HECW1: variants seen among roughly 807,000 people sequenced by gnomAD.
HECW1 encodes the protein HECT, C2 and WW domain containing E3 ubiquitin protein ligase 1.
HECW1 carries 61 observed loss-of-function variants against 182.3 expected under a neutral mutation model. The ratio of observed to expected loss-of-function variants is 0.33; its 90% CI spans 0.27 to 0.41. The LOEUF is 0.41. HECW1 is among the 10% of genes least tolerant of loss of function. The pLI is 1.00. For missense variants in HECW1, 1,739 were observed against 2,108.9 expected (o/e 0.82, Z 3.44); for synonymous variants, 859 against 832.6 (o/e 1.03, Z -0.55).
chr7:43,282,362 C>T (rs556789332), intron 3 of HECW1, among the ~76,000 whole-genome samples: 245 of 152,356 alleles, frequency 1.6e-3, no homozygotes, highest in Admixed American at 4.6e-3. Flanking sequence ...GAACTTCCTT[C>T]CCTGTGATGC....
At chr7:43,536,292 C>T (rs1377609388) in intron 24 of HECW1, among the ~76,000 whole-genome samples, 1 of 152,206 alleles carries the variant, frequency 6.6e-6, no homozygotes, top group African/African-American at 2.4e-5. Flanking sequence ...ATATGTCTTA[C>T]GGTGATGGCA....
At chr7:43,135,881 G>A (rs1203752509) in intron 2 of HECW1, among the ~76,000 whole-genome samples, 1 of 151,534 alleles carries the variant, frequency 6.6e-6, no homozygotes, top group South Asian at 2.1e-4. Context: ...CTAAAATCAA[G>A]ATTAAGTTAT....
rs1304653688 is a variant in HECW1 at position 43,158,070 on chromosome 7, T to C, written c.-32+43679T>C. ...AGGCTTTTAAGCTTCTTGTGAGTAT[T>C]GATTGAGATAATTCAGGAAGCACTT... On this transcript the variant is annotated intron_variant, in intron 2 of 29. Coordinates refer to ENST00000395891, the MANE Select transcript of HECW1 (RefSeq NM_015052.5). 3.9e-5 allele frequency among the ~76,000 whole-genome samples: 6 copies of C among 152,332 alleles called. No individual in the cohort carries two copies. In the South Asian group the frequency reaches 6.2e-4, roughly 16 times the overall value.
rs113135124 is a variant in HECW1, at chr7:43,130,009, A to C, written c.-32+15618A>C. The stretch of plus-strand genomic sequence containing the variant: ...ATATTTTCAATCTGCAGTTGGTTGA[A>C]TCTACAAATGCAGAACTTTTAGATT... On this transcript the variant is annotated intron_variant, in intron 2 of 29. Transcript: ENST00000395891. Among the ~76,000 whole-genome samples the C allele has an allele frequency of 1.4e-3, 208 of 152,376 alleles. 1 individual carries two copies. The highest frequency in any genetic ancestry group is 4.6e-3 in the African/African-American group (192 of 41,594).
At chr7:43,457,776 A>C (rs564573190) in intron 13 of HECW1, among the ~76,000 whole-genome samples, 30 of 149,126 alleles carry the variant, frequency 2.0e-4, no homozygotes, top group Non-Finnish European at 2.4e-4. Context: ...CTCCATCTCA[A>C]AAAAAAAAAA....
chr7:43,431,166 A>T (rs1469741902), intron 8 of HECW1, among the ~76,000 whole-genome samples: 2 of 152,130 alleles, frequency 1.3e-5, no homozygotes, highest in Non-Finnish European at 2.9e-5. Flanking sequence ...GACCACTCCA[A>T]TCTCTTTGAC....
intron 6 of HECW1, among the ~76,000 whole-genome samples, chr7:43,382,793 T>G (rs1732940216): frequency 6.6e-6 from 1 of 152,224 alleles, no homozygotes; most frequent in South Asian, 2.1e-4. Context: ...CTTTAAGTTC[T>G]GGGATACATG....
chr7:43,421,431 G>T (rs2076180169), intron 8 of HECW1, among the ~76,000 whole-genome samples: 1 of 152,036 alleles, frequency 6.6e-6, no homozygotes, highest in South Asian at 2.1e-4. Flanking sequence ...TAAAATAAAA[G>T]AATAATTAAT....
At chr7:43,378,406 T>C (rs2074409909) in intron 6 of HECW1, among the ~76,000 whole-genome samples, 1 of 152,250 alleles carries the variant, frequency 6.6e-6, no homozygotes, top group South Asian at 2.1e-4. Context: ...CAAAGAGCTA[T>C]CTAGAACAAT....
At chr7:43,164,421 G>C (rs1026088534) in intron 2 of HECW1, among the ~76,000 whole-genome samples, 1 of 152,224 alleles carries the variant, frequency 6.6e-6, no homozygotes, top group Non-Finnish European at 1.5e-5. Context: ...CCTCCTGGGG[G>C]AAGATTCAGC....
chr7:43,140,058 A>T (rs1787998990), intron 2 of HECW1, among the ~76,000 whole-genome samples: 1 of 152,200 alleles, frequency 6.6e-6, no homozygotes, highest in African/African-American at 2.4e-5. Context: ...TTACATTTTA[A>T]GTTGTTTTGT....
At chr7:43,358,236 A>G (rs1462178141) in intron 5 of HECW1, among the ~76,000 whole-genome samples, 1 of 152,194 alleles carries the variant, frequency 6.6e-6, no homozygotes, top group East Asian at 1.9e-4. Flanking sequence ...GATTAACTAG[A>G]TAGATGGCTT....
At position 43,464,912 on chromosome 7, in the gene HECW1, C is replaced by T. The variant is rs112645278; in HGVS notation, c.2791+1113C>T. ...AAACTCCTGGGCTCAAACAGTCCTC[C>T]CAACACAGCCTCCTGAGTAGCTGGG... On this transcript the variant is annotated intron_variant, in intron 14 of 29. Transcript: ENST00000395891. Among the ~76,000 whole-genome samples the T allele has an allele frequency of 1.9e-3, 294 of 152,214 alleles. 1 individual carries two copies. Among genetic ancestry groups the T allele is most frequent in the Non-Finnish European group, 3.1e-3 (213 of 68,018 alleles).
intron 25 of HECW1, among the ~76,000 whole-genome samples, chr7:43,541,500 T>G (rs910589094): frequency 6.6e-6 from 1 of 152,240 alleles, no homozygotes; most frequent in Non-Finnish European, 1.5e-5. Context: ...TCTCATATCA[T>G]GGAGATGAAT....
intron 6 of HECW1, among the ~76,000 whole-genome samples, chr7:43,367,981 A>G (rs1283345165): frequency 1.3e-5 from 2 of 152,040 alleles, no homozygotes; most frequent in African/African-American, 2.4e-5. Flanking sequence ...AGTCCATGCA[A>G]CACTCTGCCC....
At chr7:43,354,101 G>C (rs1462356677) in intron 5 of HECW1, among the ~76,000 whole-genome samples, 2 of 150,818 alleles carry the variant, frequency 1.3e-5, no homozygotes, top group Non-Finnish European at 2.9e-5. Context: ...GTGTCAAAAA[G>C]GAGGCAATTA....
chr7:43,397,398 C>A (rs556404217), intron 7 of HECW1, among the ~76,000 whole-genome samples: 1 of 152,224 alleles, frequency 6.6e-6, no homozygotes, highest in South Asian at 2.1e-4. Flanking sequence ...ATGAATGTAC[C>A]ATGGTTCCAT....
rs148095352 is a variant in HECW1, at chr7:43,400,920, C to T, written c.631+4031C>T. ...TCAGCTTCTAGAGGCTGCCAGCATT[C>T]TTTGGCTCATGGCTACATTGCTCCA... On this transcript the variant is annotated intron_variant, in intron 7 of 29. Transcript: ENST00000395891. 5.8e-4 allele frequency among the ~76,000 whole-genome samples: 89 copies of T among 152,296 alleles called. 1 individual carries two copies. In the East Asian group the frequency reaches 0.016, roughly 27 times the overall value.
At chr7:43,346,615 A>G (rs577041463) in intron 5 of HECW1, among the ~76,000 whole-genome samples, 1 of 152,118 alleles carries the variant, frequency 6.6e-6, no homozygotes, top group Admixed American at 6.5e-5. Flanking sequence ...TAGAATTTTT[A>G]TAGTTTCAGG....
Sources: allele counts gnomAD v4.1 joint callset (sites outside exome capture counted in the v4.1 genomes callset), GRCh38; gene constraint gnomAD v4.1.1; transcripts MANE v1.5; gene names NCBI Gene and HGNC (gene_info 2026-07-23, HGNC 2026-07-21).